The following PRKCH variants were observed in gnomAD, a reference collection of about 807,000 sequenced individuals.
PRKCH encodes the protein protein kinase C eta type.
Under a neutral mutation model 82.5 loss-of-function variants are expected in PRKCH, and 28 were observed. The ratio of observed to expected loss-of-function variants is 0.34; its 90% CI spans 0.25 to 0.47. PRKCH has a LOEUF of 0.47. Among genes scored for constraint, PRKCH ranks in the 20% least tolerant of loss-of-function variants. The probability of loss-of-function intolerance (pLI) is 1.00; values close to 1 mark genes in which losing one functional copy is unlikely to be tolerated. For missense variants in PRKCH, 705 were observed against 881.8 expected (o/e 0.80, Z 2.54); for synonymous variants, 322 against 327.4 (o/e 0.98, Z 0.18).
At chr14:61,452,066 C>T (rs189822728) in intron 6 of PRKCH, among the ~76,000 whole-genome samples, 3 of 152,296 alleles carry the variant, frequency 2.0e-5, no homozygotes, top group South Asian at 2.1e-4. Flanking sequence ...GTTGCTGATG[C>T]GCAGAGCCAT....
chr14:61,266,079 A>G (rs1213962013), intron 1 of PRKCH, among the ~76,000 whole-genome samples: 4 of 151,596 alleles, frequency 2.6e-5, no homozygotes, highest in South Asian at 2.1e-4. Flanking sequence ...GGGATTCTTT[A>G]AGAGGGAGAA....
At chr14:61,548,610 A>G (rs2043289067) in intron 13 of PRKCH, among the ~76,000 whole-genome samples, 1 of 152,126 alleles carries the variant, frequency 6.6e-6, no homozygotes, top group Non-Finnish European at 1.5e-5. Flanking sequence ...CTATAATCCC[A>G]GCACTTTGGG....
intron 1 of PRKCH, among the ~76,000 whole-genome samples, chr14:61,269,345 A>T (rs563043773): frequency 6.6e-6 from 1 of 151,466 alleles, no homozygotes; most frequent in East Asian, 1.9e-4. Flanking sequence ...TACTCCCAGG[A>T]ATTTTAATTA....
chr14:61,218,739 A>C (rs1343940344), intron 1 of PRKCH, among the ~76,000 whole-genome samples: 1 of 152,126 alleles, frequency 6.6e-6, no homozygotes, highest in Non-Finnish European at 1.5e-5. Flanking sequence ...ATATCATGGC[A>C]TTTGACAGGC....
intron 1 of PRKCH, among the ~76,000 whole-genome samples, chr14:61,188,738 T>TGTGA (rs1459793910): frequency 2.1e-5 from 3 of 145,648 alleles, no homozygotes; most frequent in Non-Finnish European, 4.5e-5. Flanking sequence ...TGTGTGTGTG[T>TGTGA]GATGGAGTTT....
chr14:61,505,925 C>T (rs1887127295), intron 10 of PRKCH, among the ~76,000 whole-genome samples: 1 of 152,076 alleles, frequency 6.6e-6, no homozygotes, highest in South Asian at 2.1e-4. Context: ...ACTTGCATAT[C>T]CATTCACCTA....
rs574969229 is a variant in PRKCH at position 61,300,973 on chromosome 14, T to C, written c.-19+113305T>C. Among the ~76,000 whole-genome samples, 5 of 152,256 alleles carry C rather than the reference T, an allele frequency of 3.3e-5. No homozygotes were observed. The South Asian group carries it at 1.0e-3, about 32-fold the overall frequency. On this transcript the variant is annotated intron_variant, in intron 1 of 3. Coordinates refer to the PRKCH transcript ENST00000555185. ...CATCACACCTGGTCCAACCGATCTTTGGGCCCTATGTAAATCAGACACCAC... is the reference window on the plus strand; with the variant it reads ...CATCACACCTGGTCCAACCGATCTTCGGGCCCTATGTAAATCAGACACCAC...
chr14:61,269,416 G>A (rs2045132487), intron 1 of PRKCH, among the ~76,000 whole-genome samples: 1 of 152,008 alleles, frequency 6.6e-6, no homozygotes, highest in Non-Finnish European at 1.5e-5. Context: ...TGTTACATAG[G>A]TAAACTCACG....
intron 10 of PRKCH, among the ~76,000 whole-genome samples, chr14:61,507,612 C>T (rs1887206605): frequency 6.6e-6 from 1 of 152,126 alleles, no homozygotes; most frequent in South Asian, 2.1e-4. Context: ...GAAATCCTAT[C>T]ATTCCGGACA....
chr14:61,413,414 G>A (rs57900873), intron 2 of PRKCH, among the ~76,000 whole-genome samples: 30 of 57,330 alleles, frequency 5.2e-4, no homozygotes, highest in East Asian at 1.5e-3. Flanking sequence ...CCCCCCCCCC[G>A]CCCCGCCCAT....
intron 1 of PRKCH, among the ~76,000 whole-genome samples, chr14:61,257,974 AT>A (rs34229311): frequency 6.6e-6 from 1 of 151,296 alleles, no homozygotes; most frequent in African/African-American, 2.4e-5. Flanking sequence ...CGTTTTATGG[AT>A]TTTTTTTTCT....
chr14:61,380,837 G>T lies in PRKCH; in HGVS notation c.364-10388G>T, dbSNP rs150066157. 7.0e-3 allele frequency among the ~76,000 whole-genome samples: 1,069 copies of T among 152,118 alleles called. 12 individuals are homozygous for T. The highest frequency in any genetic ancestry group is 0.024 in the African/African-American group (1,005 of 41,482). The stretch of plus-strand genomic sequence containing the variant: ...TTGACTGTTTGTGATTTTTTACTAC[G>T]GGCAGAAAAACTTTGAAAAATTAAT... On this transcript the variant is annotated intron_variant, in intron 1 of 13. Transcript: ENST00000332981.
intron 10 of PRKCH, among the ~76,000 whole-genome samples, chr14:61,517,336 G>C (rs188330538): frequency 6.6e-6 from 1 of 152,190 alleles, no homozygotes; most frequent in Admixed American, 6.5e-5. Context: ...AAGTTCCAAC[G>C]CTGGCAAAGC....
chr14:61,293,362 T>C (rs530115357), intron 1 of PRKCH, among the ~76,000 whole-genome samples: 4 of 152,310 alleles, frequency 2.6e-5, no homozygotes, highest in African/African-American at 9.6e-5. Flanking sequence ...AGCAACAAAG[T>C]ACAGGCTTCT....
chr14:61,517,764 A>G (rs768552652), intron 10 of PRKCH, among the ~76,000 whole-genome samples: 11 of 152,236 alleles, frequency 7.2e-5, no homozygotes, highest in Admixed American at 2.0e-4. Context: ...TGTGATTAAG[A>G]TATTAATGTT....
chr14:61,508,352 G>T (rs1213082305), intron 10 of PRKCH, among the ~76,000 whole-genome samples: 1 of 152,112 alleles, frequency 6.6e-6, no homozygotes, highest in Non-Finnish European at 1.5e-5. Context: ...ACAGATCATA[G>T]AATCAAAGTG....
chr14:61,400,046 A>G (rs1479462122), intron 2 of PRKCH, among the ~76,000 whole-genome samples: 1 of 152,246 alleles, frequency 6.6e-6, no homozygotes, highest in East Asian at 1.9e-4. Context: ...CTACTAAGGC[A>G]GTGCACAATG....
chr14:61,266,560 T>C (rs999910165), intron 1 of PRKCH, among the ~76,000 whole-genome samples: 1 of 152,190 alleles, frequency 6.6e-6, no homozygotes, highest in African/African-American at 2.4e-5. Context: ...TAAAATGCAT[T>C]GCAGGGAAAC....
intron 1 of PRKCH, among the ~76,000 whole-genome samples, chr14:61,271,041 T>C (rs1294516257): frequency 6.6e-6 from 1 of 152,150 alleles, no homozygotes; most frequent in Non-Finnish European, 1.5e-5. Context: ...TGGCAACCTT[T>C]TCATCAGCGC....
Sources: allele counts gnomAD v4.1 joint callset (sites outside exome capture counted in the v4.1 genomes callset), GRCh38; gene constraint gnomAD v4.1.1; transcripts MANE v1.5; gene names NCBI Gene and HGNC (gene_info 2026-07-23, HGNC 2026-07-21).